Variants in BCAP31 observed in about 807,000 individuals in gnomAD.
BCAP31 encodes B-cell receptor-associated protein 31.
For synonymous variants in BCAP31, 75 were observed against 80.9 expected (o/e 0.93, Z 0.39); for missense variants, 124 against 193.0 (o/e 0.64, Z 2.12).
At chrX:153,719,014 T>G (rs2091647613) in intron 3 of BCAP31, among the ~76,000 whole-genome samples, 1 of 112,072 alleles carries the variant, frequency 8.9e-6, no homozygotes, top group Non-Finnish European at 1.9e-5. Flanking sequence ...CTTTCTAGAT[T>G]ATGCTTCTTA....
At chrX:153,713,914 A>C (rs1603227362) in intron 4 of BCAP31, among the ~76,000 whole-genome samples, 4 of 72,087 alleles carry the variant, frequency 5.5e-5, no homozygotes, top group African/African-American at 6.3e-5. Flanking sequence ...TTGAGATGTC[A>C]CCCAGGCTGG....
chrX:153,706,228 C>T (rs1349979336), intron 4 of BCAP31, among the ~76,000 whole-genome samples: 1 of 110,514 alleles, frequency 9.0e-6, no homozygotes, highest in African/African-American at 3.3e-5. Context: ...TCCCACTGCA[C>T]CCCCAGCCCG....
intron 4 of BCAP31, among the ~76,000 whole-genome samples, chrX:153,706,450 G>A (rs1277487073): frequency 3.3e-4 from 37 of 112,067 alleles, no homozygotes; most frequent in Admixed American, 2.9e-3. Context: ...CCTCCTAACC[G>A]CCCAGGCCGG....
chrX:153,721,029 G>C (rs2091661693), intron 2 of BCAP31, 57 bp from the exon 3 acceptor site: 13 of 1,042,728 alleles, frequency 1.2e-5, no homozygotes, highest in Non-Finnish European at 1.7e-5. Context: ...ACGAGCTCTA[G>C]GGCCCTGAGC....
chrX:153,715,416 G>A lies in BCAP31; in HGVS notation c.341+126C>T, dbSNP rs782820365. 1.6e-3 allele frequency: 1,558 copies of A among 1,003,414 alleles called. 1 individual carries two copies. Among genetic ancestry groups the A allele is most frequent in the Non-Finnish European group, 2.1e-3 (1,496 of 729,508 alleles). 82.7% of individuals were successfully genotyped at this position (1,003,414 alleles called of 1,213,427 possible). A position where few individuals can be genotyped will look rare whatever the true frequency, so the allele number is the denominator to read the frequency against. The stretch of plus-strand genomic sequence containing the variant: ...GCTTCCCTAACACAGACAGGGCTTT[G>A]GGATCCAGGCCACAGACTGAGGAGG... On this transcript the variant is annotated intron_variant, in intron 4 of 7. Coordinates refer to ENST00000345046, the MANE Select transcript of BCAP31 (RefSeq NM_001256447.2).
chrX:153,717,000 G>A (rs1372302303), intron 3 of BCAP31, among the ~76,000 whole-genome samples: 1 of 101,764 alleles, frequency 9.8e-6, no homozygotes, highest in African/African-American at 4.1e-5. Flanking sequence ...TAAAAATGTG[G>A]TCACATCTAA....
At chrX:153,702,891 C>T (rs2091528158) in intron 6 of BCAP31, 44 bp downstream of exon 6, 2 of 1,202,655 alleles carry the variant, frequency 1.7e-6, no homozygotes, top group Non-Finnish European at 2.2e-6. Context: ...AGAGGAGGCT[C>T]CTCTGGACTT....
chrX:153,721,566 C>T (rs1355318915), intron 2 of BCAP31, among the ~76,000 whole-genome samples: 2 of 100,532 alleles, frequency 2.0e-5, no homozygotes, highest in Non-Finnish European at 4.0e-5. Context: ...TGTAAGCCAC[C>T]GCGCCCAGCC....
In BCAP31 at chrX:153,714,536, G is replaced by T. The variant is rs1227976445; in HGVS notation, c.341+1006C>A. Among the ~76,000 whole-genome samples the T allele has an allele frequency of 1.2e-4, 13 of 111,115 alleles. No individual in the cohort carries two copies. In the Admixed American group the frequency reaches 1.2e-3, roughly 11 times the overall value. On this transcript the variant is annotated intron_variant, in intron 4 of 7. Transcript: ENST00000345046. ...CACCCCTCTTTCCAACTTGGTCGCA[G>T]AGAGTACCAGATCATCTAAACAACA...
chrX:153,713,320 C>T (rs1420390457), intron 4 of BCAP31, among the ~76,000 whole-genome samples: 3 of 111,871 alleles, frequency 2.7e-5, no homozygotes, highest in Admixed American at 9.5e-5. Context: ...GTTCTGCCAG[C>T]ACCTTCCCCA....
chrX:153,703,978 T>G lies in BCAP31; in HGVS notation c.458A>C (p.Glu153Ala), dbSNP rs2091536547. The change falls in exon 5 of 8, where the codon GAG (glutamate) becomes GCG (alanine). Residue 153 changes from glutamate (E) to alanine (A), a missense_variant. Physicochemically the swap from Glu to Ala is moderately radical, Grantham distance 107. Transcript: ENST00000345046. Reference protein sequence around the residue: ...ASEAAKKYMEENDQLKKGAAV... With the variant: ...ASEAAKKYMEANDQLKKGAAV... Reference sequence around the variant, plus strand: ...GCTCACCTTCTTGAGCTGGTCATTCTCCTCCATGTACTTCTTGGCCGCCTC... The same window carrying G: ...GCTCACCTTCTTGAGCTGGTCATTCGCCTCCATGTACTTCTTGGCCGCCTC... 6 of 1,211,429 alleles carry G rather than the reference T, an allele frequency of 5.0e-6. No homozygotes were observed. In the East Asian group the frequency reaches 1.8e-4, roughly 36 times the overall value.
At chrX:153,702,438 C>T (rs1420855488) in intron 6 of BCAP31, 5 of 228,678 alleles carry the variant, frequency 2.2e-5, no homozygotes, top group Non-Finnish European at 3.9e-5. Context: ...AGCCTGCAAG[C>T]GAGACCCAAT....
chrX:153,707,771 G>A (rs145807989), intron 4 of BCAP31, among the ~76,000 whole-genome samples: 4,973 of 112,651 alleles, frequency 0.044, 251 homozygotes, highest in African/African-American at 0.15. Flanking sequence ...ATGCAGACCA[G>A]GTCCTCTCTG....
rs1324713937 is a variant in BCAP31, at chrX:153,724,352, C to T, written c.-63G>A. On this transcript the variant is annotated 5_prime_UTR_variant, in exon 1 of 8. Coordinates refer to ENST00000345046, the MANE Select transcript of BCAP31 (RefSeq NM_001256447.2). ...CGCTCACCGAGTTTCCCACAGTCAA[C>T]GTGCAGGCCCCGCCGCAGCAACAGA... 3 of 138,430 alleles carry T rather than the reference C, an allele frequency of 2.2e-5. No homozygotes were observed. The highest frequency in any genetic ancestry group is 2.8e-4 in the East Asian group (1 of 3,618). 11.4% of individuals were successfully genotyped at this position (138,430 alleles called of 1,213,427 possible).
At chrX:153,718,248 G>T (rs1557050432) in intron 3 of BCAP31, among the ~76,000 whole-genome samples, 1 of 106,907 alleles carries the variant, frequency 9.4e-6, no homozygotes, top group African/African-American at 3.4e-5. Context: ...AACCTGGGAG[G>T]CGGAGGTTGC....
At chrX:153,715,749 A>G in intron 3 of BCAP31, 60 bp from the exon 4 acceptor site, 4 of 1,170,097 alleles carry the variant, frequency 3.4e-6, no homozygotes, top group Non-Finnish European at 4.6e-6. Flanking sequence ...AGATAAGGCC[A>G]TACCAGGCAG....
intron 1 of BCAP31, chrX:153,723,800 C>A: frequency 1.2e-6 from 1 of 827,874 alleles, no homozygotes; most frequent in South Asian, 2.6e-5. Flanking sequence ...CCACCGTCCC[C>A]ACGGCGCCCG....
chrX:153,722,974 G>A (rs782755301), intron 2 of BCAP31, among the ~76,000 whole-genome samples, 179 bp downstream of exon 2: 1 of 110,368 alleles, frequency 9.1e-6, no homozygotes, highest in African/African-American at 3.3e-5. Context: ...TCATGACGAA[G>A]CAGAACCCTG....
intron 4 of BCAP31, among the ~76,000 whole-genome samples, chrX:153,715,126 G>T (rs781991308): frequency 6.3e-5 from 7 of 111,918 alleles, no homozygotes; most frequent in Non-Finnish European, 1.3e-4. Flanking sequence ...CAGCCTCTTC[G>T]TGCCACTTTT....
Sources: gnomAD v4.1 joint callset for allele counts (sites outside exome capture counted in the v4.1 genomes callset) on GRCh38, gnomAD v4.1.1 for gene constraint, MANE v1.5 for transcripts, NCBI Gene and HGNC (gene_info 2026-07-23, HGNC 2026-07-21) for gene names.